Variants in TAX1BP1 observed in about 807,000 individuals in gnomAD.
TAX1BP1 encodes Tax1 binding protein 1, also known as tax1-binding protein 1.
TAX1BP1 carries 62 observed loss-of-function variants against 97.7 expected under a neutral mutation model. The observed-to-expected ratio is 0.63, with a 90% confidence interval of 0.52 to 0.78. TAX1BP1 has a LOEUF of 0.78. Ranked by LOEUF, TAX1BP1 falls within the 30% of genes least tolerant of loss-of-function variation. The pLI is 0.00. For missense variants in TAX1BP1, 867 were observed against 916.1 expected (o/e 0.95, Z 0.69); for synonymous variants, 340 against 304.2 (o/e 1.12, Z -1.23).
intron 5 of TAX1BP1, among the ~76,000 whole-genome samples, chr7:27,781,704 A>G (rs534155867): frequency 1.3e-5 from 2 of 151,638 alleles, no homozygotes; most frequent in African/African-American, 4.9e-5. Context: ...ACTACACTAA[A>G]TTAATTAATT....
rs920608656 is a variant in TAX1BP1 at position 27,799,951 on chromosome 7, C to G, written c.1639-14C>G. 6.3e-7 allele frequency: 1 copy of G among 1,578,220 alleles called. No homozygotes were observed. Among genetic ancestry groups the G allele is most frequent in the Admixed American group, 1.9e-5 (1 of 53,558 alleles). ...AATTTAAAATCTTTTGGTAATTATA[C>G]TAATTTCATTTAGGATGAGAAAGCA... On this transcript the variant is annotated splice_polypyrimidine_tract_variant and intron_variant, in intron 12 of 16. Coordinates refer to ENST00000396319, the MANE Select transcript of TAX1BP1 (RefSeq NM_006024.7).
intron 13 of TAX1BP1, among the ~76,000 whole-genome samples, chr7:27,806,440 C>G (rs1331311467): frequency 6.6e-6 from 1 of 151,780 alleles, no homozygotes. Context: ...TTGGATATCA[C>G]AGAAGGAATG....
At chr7:27,825,082 A>G (rs1791123769) in intron 15 of TAX1BP1, among the ~76,000 whole-genome samples, 1 of 152,138 alleles carries the variant, frequency 6.6e-6, no homozygotes, top group Non-Finnish European at 1.5e-5. Flanking sequence ...ATTTAATATA[A>G]CCTTGATGAT....
intron 13 of TAX1BP1, among the ~76,000 whole-genome samples, chr7:27,804,816 A>G (rs35343536): frequency 0.12 from 18,375 of 152,160 alleles, 1,285 homozygotes; most frequent in African/African-American, 0.18. Flanking sequence ...CAGCACTACT[A>G]TATTCTGAAA....
At chr7:27,746,133 T>C (rs1314424197) in intron 1 of TAX1BP1, among the ~76,000 whole-genome samples, 2 of 148,932 alleles carry the variant, frequency 1.3e-5, no homozygotes, top group Non-Finnish European at 2.9e-5. Flanking sequence ...AAATGATATG[T>C]TAAATTTTAA....
chr7:27,760,055 T>C (rs1327747520), intron 3 of TAX1BP1, among the ~76,000 whole-genome samples: 2 of 152,044 alleles, frequency 1.3e-5, no homozygotes. Flanking sequence ...GGTTTTGCCA[T>C]GTTGGCCAGG....
chr7:27,751,808 A>G (rs878873936), intron 2 of TAX1BP1, among the ~76,000 whole-genome samples: 7 of 152,104 alleles, frequency 4.6e-5, no homozygotes, highest in African/African-American at 1.4e-4. Context: ...ACAGCTATCA[A>G]TTAAAAATTT....
intron 1 of TAX1BP1, among the ~76,000 whole-genome samples, chr7:27,744,893 C>G (rs1787762532): frequency 1.3e-5 from 2 of 152,070 alleles, no homozygotes; most frequent in Admixed American, 6.5e-5. Context: ...AGACCAAAGA[C>G]TTTATAATAT....
chr7:27,823,334 A>G (rs1222024675), intron 15 of TAX1BP1, among the ~76,000 whole-genome samples: 3 of 152,208 alleles, frequency 2.0e-5, no homozygotes, highest in Non-Finnish European at 4.4e-5. Flanking sequence ...CTTAGCAAAT[A>G]TGTAAATTTC....
At chr7:27,808,324 CATAAT>C (rs1262100048) in intron 13 of TAX1BP1, among the ~76,000 whole-genome samples, 1 of 152,138 alleles carries the variant, frequency 6.6e-6, no homozygotes, top group African/African-American at 2.4e-5. Context: ...TCTCTCTTTC[CATAAT>C]ATAACTTCCT....
At chr7:27,775,077 C>T (rs1006517632) in intron 5 of TAX1BP1, among the ~76,000 whole-genome samples, 3 of 152,026 alleles carry the variant, frequency 2.0e-5, no homozygotes, top group Non-Finnish European at 4.4e-5. Flanking sequence ...ATCAGTAGTT[C>T]CTGCAAAGAT....
At chr7:27,800,191 A>C (rs1479460399) in intron 13 of TAX1BP1, 101 bp downstream of exon 13, 1 of 1,102,570 alleles carries the variant, frequency 9.1e-7, no homozygotes, top group South Asian at 2.5e-5. Flanking sequence ...AATATGGATA[A>C]TTGATAGTTT....
At chr7:27,785,341 C>T in intron 6 of TAX1BP1, 30 bp downstream of exon 6, 5 of 1,587,846 alleles carry the variant, frequency 3.1e-6, no homozygotes, top group South Asian at 1.2e-5. Flanking sequence ...AAAATAAATT[C>T]AATAAAAATT....
chr7:27,782,836 G>A (rs1789314174), intron 5 of TAX1BP1, among the ~76,000 whole-genome samples: 1 of 152,034 alleles, frequency 6.6e-6, no homozygotes, highest in Admixed American at 6.6e-5. Flanking sequence ...CTAGATAATT[G>A]TTAGTGATAC....
intron 13 of TAX1BP1, among the ~76,000 whole-genome samples, chr7:27,802,146 T>C (rs1013068257): frequency 6.6e-6 from 1 of 152,248 alleles, no homozygotes; most frequent in African/African-American, 2.4e-5. Flanking sequence ...GCTTGAATGA[T>C]AGCTTGAAGC....
chr7:27,744,336 A>G (rs1050880921), intron 1 of TAX1BP1, among the ~76,000 whole-genome samples: 3 of 152,146 alleles, frequency 2.0e-5, no homozygotes, highest in South Asian at 4.1e-4. Context: ...CGTGTTAGCC[A>G]GGATGGTCTC....
chr7:27,785,496 T>A lies in TAX1BP1; in HGVS notation c.852+7T>A, dbSNP rs191486139. ...TGAAAAGGAACTTTATAAGGTAATT[T>A]ATTTTTTACCATATCTATTGCCTGT... is the stretch of plus-strand genomic sequence containing the variant. On this transcript the variant is annotated splice_region_variant and intron_variant, in intron 7 of 16. Transcript: ENST00000396319. 3.1e-4 allele frequency: 498 copies of A among 1,599,052 alleles called. No homozygotes were observed. Among genetic ancestry groups the A allele is most frequent in the Non-Finnish European group, 3.7e-4 (438 of 1,172,174 alleles).
chr7:27,774,298 TAG>T (rs536728690), intron 5 of TAX1BP1, among the ~76,000 whole-genome samples: 160 of 152,254 alleles, frequency 1.1e-3, no homozygotes, highest in African/African-American at 3.6e-3. Flanking sequence ...TGTCATCAGA[TAG>T]AGTTTTCCTT....
chr7:27,759,250 A>G (rs750295339), intron 3 of TAX1BP1, among the ~76,000 whole-genome samples: 4 of 152,314 alleles, frequency 2.6e-5, no homozygotes, highest in Non-Finnish European at 5.9e-5. Context: ...AATTTTTGAT[A>G]TATTAATACA....
Sources: allele counts gnomAD v4.1 joint callset (sites outside exome capture counted in the v4.1 genomes callset), GRCh38; gene constraint gnomAD v4.1.1; transcripts MANE v1.5; gene names NCBI Gene and HGNC (gene_info 2026-07-23, HGNC 2026-07-21).